ERBB4: variants seen among roughly 807,000 people sequenced by gnomAD.
The protein encoded by ERBB4 is receptor tyrosine-protein kinase erbB-4.
A neutral mutation model predicts 158.0 loss-of-function variants in ERBB4; 42 were observed. That is an observed-to-expected ratio of 0.27 (90% CI 0.21 to 0.34). The LOEUF is 0.34. Among genes scored for constraint, ERBB4 ranks in the 10% least tolerant of loss-of-function variants. ERBB4 has a pLI of 1.00. For synonymous variants in ERBB4, 583 were observed against 558.7 expected (o/e 1.04, Z -0.61); for missense variants, 1,333 against 1,624.1 (o/e 0.82, Z 3.08).
intron 3 of ERBB4, among the ~76,000 whole-genome samples, chr2:211,810,558 G>A (rs569932592): frequency 1.3e-4 from 20 of 150,392 alleles, no homozygotes; most frequent in South Asian, 6.5e-4. Flanking sequence ...ATCTTCCTCC[G>A]TCCCTTTATT....
intron 1 of ERBB4, among the ~76,000 whole-genome samples, chr2:212,259,515 G>C (rs1437790092): frequency 6.6e-6 from 1 of 152,170 alleles, no homozygotes; most frequent in Admixed American, 6.6e-5. Context: ...GTACGGATCT[G>C]TTGGTTCAAA....
At position 212,520,948 on chromosome 2, in the gene ERBB4, T is replaced by G. The variant is rs184184727; in HGVS notation, c.82+17501A>C. ...TGATTCCTTAATAAATGTGAAAAACTGTAATATAGGGAAAGCACTTAATAA... is the reference window on the plus strand; with the variant it reads ...TGATTCCTTAATAAATGTGAAAAACGGTAATATAGGGAAAGCACTTAATAA... On this transcript the variant is annotated intron_variant, in intron 1 of 27. Coordinates refer to ENST00000342788, the MANE Select transcript of ERBB4 (RefSeq NM_005235.3). 2.0e-5 allele frequency among the ~76,000 whole-genome samples: 3 copies of G among 152,064 alleles called. No individual in the cohort carries two copies. In the East Asian group the frequency reaches 5.8e-4, roughly 29 times the overall value.
In ERBB4 at chr2:212,426,314, T is replaced by C. The variant is rs535358359; in HGVS notation, c.82+112135A>G. 13 of 468,526 alleles carry C rather than the reference T, an allele frequency of 2.8e-5. No individual in the cohort carries two copies. The East Asian group carries it at 9.3e-4, about 34-fold the overall frequency. 29.0% of individuals were successfully genotyped at this position (468,526 alleles called of 1,614,324 possible). On this transcript the variant is annotated intron_variant, in intron 1 of 27. Transcript: ENST00000342788. ...TAATTACAGTTTTTGCCATTAAAAG[T>C]AATGATAAAAACTGCAATTATGTTC...
At chr2:211,549,310 C>G (rs181106637) in intron 20 of ERBB4, among the ~76,000 whole-genome samples, 4 of 151,966 alleles carry the variant, frequency 2.6e-5, no homozygotes. Flanking sequence ...CAGAACTCAA[C>G]CACCTAGAAA....
In ERBB4 at chr2:211,383,601, A is replaced by C. The variant is rs373629984; in HGVS notation, c.*14T>G. 5.6e-6 allele frequency: 9 copies of C among 1,611,268 alleles called. No individual in the cohort carries two copies. Among genetic ancestry groups the C allele is most frequent in the Non-Finnish European group, 7.6e-6 (9 of 1,179,026 alleles). Reference sequence around the variant, plus strand: ...AGCAGGTGTGTCTCTCCACCTAAAAAACCACAACTGAGCTTACACCACAGT... The same window carrying C: ...AGCAGGTGTGTCTCTCCACCTAAAACACCACAACTGAGCTTACACCACAGT... On this transcript the variant is annotated 3_prime_UTR_variant, in exon 28 of 28. Coordinates refer to ENST00000342788, the MANE Select transcript of ERBB4 (RefSeq NM_005235.3).
chr2:212,146,311 T>C (rs2080671296), intron 1 of ERBB4, among the ~76,000 whole-genome samples: 1 of 152,214 alleles, frequency 6.6e-6, no homozygotes, highest in Admixed American at 6.5e-5. Flanking sequence ...TTTTCTGTTT[T>C]ATTCTGTTCT....
At chr2:211,861,325 G>GT (rs1553648551) in intron 3 of ERBB4, among the ~76,000 whole-genome samples, 2 of 94,166 alleles carry the variant, frequency 2.1e-5, no homozygotes, top group African/African-American at 8.0e-5. Flanking sequence ...CAGTCCAGGC[G>GT]TGTTTTTTTT....
intron 20 of ERBB4, among the ~76,000 whole-genome samples, chr2:211,437,116 T>C (rs2125445100): frequency 6.6e-6 from 1 of 152,304 alleles, no homozygotes; most frequent in East Asian, 1.9e-4. Context: ...ATGCCACAAG[T>C]CTGATTTTAC....
At position 211,657,402 on chromosome 2, in the gene ERBB4, G is replaced by A. The variant is rs551223328; in HGVS notation, c.1946+352C>T. 1.4e-4 allele frequency among the ~76,000 whole-genome samples: 22 copies of A among 151,880 alleles called. 1 individual carries two copies. In the South Asian group the frequency reaches 3.7e-3, roughly 26 times the overall value. On this transcript the variant is annotated intron_variant, in intron 16 of 27. Transcript: ENST00000342788. ...TGGGCACTTGTAATCCCAGCTACTC[G>A]GGAGGCTGAGGCAGGAGAATCACTT...
At chr2:211,437,838 C>A (rs2063887902) in intron 20 of ERBB4, among the ~76,000 whole-genome samples, 1 of 152,142 alleles carries the variant, frequency 6.6e-6, no homozygotes, top group Non-Finnish European at 1.5e-5. Flanking sequence ...AAAATATCTC[C>A]TTTTTTTCTA....
At chr2:211,878,652 G>GTTTTTTTTTTTTTT (rs150312098) in intron 3 of ERBB4, among the ~76,000 whole-genome samples, 1 of 99,164 alleles carries the variant, frequency 1.0e-5, no homozygotes, top group Non-Finnish European at 2.0e-5. Context: ...GACAAATTAA[G>GTTTTTTTTTTTTTT]TTTTGTTTTT....
chr2:212,341,546 G>C (rs1250626889), intron 1 of ERBB4, among the ~76,000 whole-genome samples: 1 of 152,074 alleles, frequency 6.6e-6, no homozygotes, highest in Non-Finnish European at 1.5e-5. Context: ...GATTATAATA[G>C]TTGTTGATTG....
intron 20 of ERBB4, among the ~76,000 whole-genome samples, chr2:211,433,083 G>A (rs1359716249): frequency 6.6e-6 from 1 of 152,120 alleles, no homozygotes. Context: ...ACAAGCACAG[G>A]GGTAGCAGTA....
chr2:212,431,499 T>C (rs968714708), intron 1 of ERBB4, among the ~76,000 whole-genome samples: 4 of 152,080 alleles, frequency 2.6e-5, no homozygotes, highest in Non-Finnish European at 5.9e-5. Context: ...ACTTGGAATA[T>C]TGCATTTGCC....
At chr2:212,118,690 A>G (rs1343153637) in intron 2 of ERBB4, among the ~76,000 whole-genome samples, 1 of 151,880 alleles carries the variant, frequency 6.6e-6, no homozygotes, top group Non-Finnish European at 1.5e-5. Context: ...AGAAAAATAA[A>G]CTATTTGCAT....
chr2:211,500,972 C>T (rs2065600204), intron 20 of ERBB4, among the ~76,000 whole-genome samples: 1 of 151,908 alleles, frequency 6.6e-6, no homozygotes, highest in Non-Finnish European at 1.5e-5. Context: ...TTTATTTTCT[C>T]TCATTACTTT....
intron 1 of ERBB4, among the ~76,000 whole-genome samples, chr2:212,432,086 C>G (rs1040972972): frequency 5.3e-5 from 8 of 152,134 alleles, no homozygotes; most frequent in African/African-American, 1.9e-4. Context: ...AAATGAAAAA[C>G]AGGACCTCAC....
intron 2 of ERBB4, among the ~76,000 whole-genome samples, chr2:212,021,105 T>C (rs966800213): frequency 2.6e-5 from 4 of 152,182 alleles, no homozygotes; most frequent in African/African-American, 9.6e-5. Flanking sequence ...AGTAAGATAA[T>C]GAATATTTTA....
intron 20 of ERBB4, among the ~76,000 whole-genome samples, chr2:211,452,383 G>A (rs973221712): frequency 4.6e-5 from 7 of 152,006 alleles, no homozygotes; most frequent in African/African-American, 7.2e-5. Flanking sequence ...TCACCATGTT[G>A]GACAGGCTGG....
Sources: gnomAD v4.1 joint callset for allele counts (sites outside exome capture counted in the v4.1 genomes callset) on GRCh38, gnomAD v4.1.1 for gene constraint, MANE v1.5 for transcripts, NCBI Gene and HGNC (gene_info 2026-07-23, HGNC 2026-07-21) for gene names.